Variants in ESR1 observed in about 807,000 individuals in gnomAD.
ESR1 encodes the protein estrogen receptor.
ESR1 carries 12 observed loss-of-function variants against 52.7 expected under a neutral mutation model. The observed-to-expected ratio is 0.23, with a 90% CI of 0.15 to 0.37. The LOEUF is 0.37. Ranked by LOEUF, ESR1 falls within the 10% of genes least tolerant of loss-of-function variation. The pLI is 1.00. For synonymous variants in ESR1, 305 were observed against 316.8 expected (o/e 0.96, Z 0.39); for missense variants, 584 against 779.7 (o/e 0.75, Z 2.99).
intron 4 of ESR1, among the ~76,000 whole-genome samples, chr6:151,991,806 A>T (rs1034533044): frequency 2.6e-5 from 4 of 151,948 alleles, no homozygotes; most frequent in Non-Finnish European, 5.9e-5. Flanking sequence ...CCCCACACAA[A>T]CCCTGAGCTT....
In ESR1 at chr6:151,899,108, G is replaced by A. The variant is rs1231574673; in HGVS notation, c.760+18337G>A. On this transcript the variant is annotated intron_variant, in intron 3 of 7. Coordinates refer to ENST00000206249, the MANE Select transcript of ESR1 (RefSeq NM_000125.4). ...CCCCCACCTCCCTCCCGGACGGGGC[G>A]GCTGGCCGGGCGGGGGGCTGACCCC... Among the ~76,000 whole-genome samples the A allele has an allele frequency of 4.2e-5, 6 of 141,210 alleles. No homozygotes were observed. The East Asian group carries it at 9.9e-4, about 23-fold the overall frequency. The allele number at this position is 141,210 out of a possible 152,430, so 92.6% of individuals were successfully genotyped here. A position where few individuals can be genotyped will look rare whatever the true frequency, so the allele number is the denominator to read the frequency against.
At chr6:151,953,537 A>G (rs2128563106) in intron 4 of ESR1, among the ~76,000 whole-genome samples, 1 of 152,246 alleles carries the variant, frequency 6.6e-6, no homozygotes, top group East Asian at 1.9e-4. Flanking sequence ...CCTGGCCAAC[A>G]TGGTGAAACC....
At chr6:152,121,435 T>A (rs1490343252) in intron 6 of ESR1, among the ~76,000 whole-genome samples, 1 of 152,088 alleles carries the variant, frequency 6.6e-6, no homozygotes, top group South Asian at 2.1e-4. Flanking sequence ...GAATAGAGGA[T>A]GAAAGGTTTC....
rs2046865121 is a variant in ESR1 at position 152,053,610 on chromosome 6, ATCTC to A, written c.1236-7377_1236-7374del. Among the ~76,000 whole-genome samples the A allele has an allele frequency of 7.2e-6, 1 of 139,436 alleles. No individual in the cohort carries two copies. The highest frequency in any genetic ancestry group is 7.2e-5 in the Admixed American group (1 of 13,872). The allele number at this position is 139,436 out of a possible 152,430, so 91.5% of individuals were successfully genotyped here. A position where few individuals can be genotyped will look rare whatever the true frequency, so the allele number is the denominator to read the frequency against. On this transcript the variant is annotated intron_variant, in intron 5 of 7. Coordinates refer to ENST00000206249, the MANE Select transcript of ESR1 (RefSeq NM_000125.4). This position sits in a 1 kb window ranked among gnomAD's most constrained non-coding sequence, Gnocchi z 4.1. ...TCTCTCTCAATCTGTTTCTCTGTTA[ATCTC>A]TCTTTCTCTCTCCTTCTTTCTGTCT...
chr6:151,840,261 C>G (rs886655909), intron 1 of ESR1, among the ~76,000 whole-genome samples: 1 of 152,162 alleles, frequency 6.6e-6, no homozygotes, highest in Middle Eastern at 3.2e-3. Flanking sequence ...TGACTTGAAT[C>G]ATGCATAGGA....
intron 1 of ESR1, among the ~76,000 whole-genome samples, chr6:151,692,817 A>G (rs1779049228): frequency 6.6e-6 from 1 of 152,202 alleles, no homozygotes; most frequent in Admixed American, 6.5e-5. Flanking sequence ...TCTAAGGCGT[A>G]TAACATTTTT....
intron 4 of ESR1, among the ~76,000 whole-genome samples, chr6:151,945,092 C>T (rs1327873124): frequency 6.6e-6 from 1 of 152,050 alleles, no homozygotes; most frequent in Non-Finnish European, 1.5e-5. Flanking sequence ...GTGGCACACA[C>T]CTGTGGTCCC....
chr6:152,021,429 G>A (rs904233171), intron 5 of ESR1, among the ~76,000 whole-genome samples: 1 of 152,000 alleles, frequency 6.6e-6, no homozygotes, highest in Middle Eastern at 3.2e-3. Flanking sequence ...TATTAGTTCT[G>A]TCCCTCTAGA....
At chr6:151,723,819 G>A (rs1405915365) in intron 2 of ESR1, among the ~76,000 whole-genome samples, 1 of 152,058 alleles carries the variant, frequency 6.6e-6, no homozygotes, top group African/African-American at 2.4e-5. Flanking sequence ...GCAGTGAGCC[G>A]AGATCATGCC....
At chr6:151,818,797 AT>A (rs1165245350) in intron 1 of ESR1, among the ~76,000 whole-genome samples, 12 of 144,278 alleles carry the variant, frequency 8.3e-5, no homozygotes, top group African/African-American at 3.1e-4. Context: ...AAGTGTGTAT[AT>A]ACACATATAT....
At chr6:152,125,406 G>T (rs1357550298) in exon 7 of ESR1, 1 of 1,511,992 alleles carries the variant, frequency 6.6e-7, no homozygotes. Flanking sequence ...GTGTGTGGAC[G>T]TGGGGACATT....
chr6:151,814,438 G>T (rs1779309911), intron 1 of ESR1, among the ~76,000 whole-genome samples: 1 of 151,612 alleles, frequency 6.6e-6, no homozygotes, highest in African/African-American at 2.4e-5. Context: ...TGTTTTAGTT[G>T]TTCCATCTGT....
intron 1 of ESR1, among the ~76,000 whole-genome samples, chr6:151,832,455 G>C (rs545070945): frequency 6.6e-6 from 1 of 152,148 alleles, no homozygotes; most frequent in Non-Finnish European, 1.5e-5. Context: ...ATACCCAGGA[G>C]GTATGTTATG....
chr6:151,881,882 CAATAAATAAATAAATAAATAAATA>C (rs66997460), intron 3 of ESR1, among the ~76,000 whole-genome samples: 6 of 134,868 alleles, frequency 4.4e-5, no homozygotes, highest in Non-Finnish European at 7.8e-5. Flanking sequence ...GACTCTGTCT[CAATAAATAAATAAATAAATAAATA>C]AATAAATAAA....
At chr6:151,697,759 A>G (rs1779466414) in intron 1 of ESR1, among the ~76,000 whole-genome samples, 1 of 151,938 alleles carries the variant, frequency 6.6e-6, no homozygotes, top group Non-Finnish European at 1.5e-5. Context: ...CAGCTGTAGT[A>G]TTTTATGATT....
Position 152,005,323 on chromosome 6 carries a change from A to G in ESR1, c.1097-6333A>G, listed in dbSNP as rs1276464829. On this transcript the variant is annotated intron_variant, in intron 4 of 7. Transcript: ENST00000206249. ...TCCCTCTCCTTTTAAATCATGAAAA[A>G]TGTTGTTTTTATAGGGCTATTTGAG... Among the ~76,000 whole-genome samples the G allele has an allele frequency of 3.9e-5, 6 of 152,132 alleles. No homozygotes were observed. The East Asian group carries it at 1.2e-3, about 29-fold the overall frequency.
intron 5 of ESR1, among the ~76,000 whole-genome samples, chr6:152,060,597 C>T (rs368434586): frequency 1.4e-4 from 21 of 152,250 alleles, no homozygotes; most frequent in Admixed American, 1.0e-3. Flanking sequence ...AGCCGAGGCC[C>T]TGTTTTTATT....
At chr6:151,720,551 C>T (rs1328811213) in intron 2 of ESR1, among the ~76,000 whole-genome samples, 1 of 152,126 alleles carries the variant, frequency 6.6e-6, no homozygotes, top group African/African-American at 2.4e-5. Context: ...ACATTAAAGC[C>T]TTTGGGAAAT....
chr6:152,052,453 T>G (rs560822596), intron 5 of ESR1, among the ~76,000 whole-genome samples: 107 of 152,310 alleles, frequency 7.0e-4, no homozygotes, highest in African/African-American at 2.5e-3. Flanking sequence ...AAATAAAGTT[T>G]TATTTATTTA....
Sources: gnomAD v4.1 joint callset for allele counts (sites outside exome capture counted in the v4.1 genomes callset) on GRCh38, gnomAD v4.1.1 for gene constraint, Gnocchi (gnomAD v3.1) non-coding constraint, MANE v1.5 for transcripts, NCBI Gene and HGNC (gene_info 2026-07-23, HGNC 2026-07-21) for gene names.